The following NOX3 variants were observed in gnomAD, a reference collection of about 807,000 sequenced individuals.
The protein encoded by NOX3 is NADPH oxidase 3, also known as NADPH oxidase catalytic subunit-like 3.
In NOX3, 74 loss-of-function variants were observed where a neutral mutation model predicts 76.7. That is an observed-to-expected ratio of 0.96 (90% CI 0.80 to 1.17). The LOEUF is 1.17. Ranked by LOEUF, NOX3 falls within the 50% of genes most tolerant of loss-of-function variation. The probability of loss-of-function intolerance (pLI) is 0.00; values close to 1 mark genes in which losing one functional copy is unlikely to be tolerated. For missense variants in NOX3, 695 were observed against 703.3 expected (o/e 0.99, Z 0.13); for synonymous variants, 263 against 261.1 (o/e 1.01, Z -0.07).
rs139588688 is a variant in NOX3 at position 155,424,334 on chromosome 6, C to T, written c.1146-1478G>A. On this transcript the variant is annotated intron_variant, in intron 9 of 13. Coordinates refer to ENST00000159060, the MANE Select transcript of NOX3 (RefSeq NM_015718.3). ...TGCTCACTGCTGTAATCCCAGCACT[C>T]CCTGACATGAAGTTGTTCAATAACA... Among the ~76,000 whole-genome samples, 369 of 152,224 alleles carry T rather than the reference C, an allele frequency of 2.4e-3. 2 individuals carry two copies. Among genetic ancestry groups the T allele is most frequent in the Middle Eastern group, 0.014 (4 of 294 alleles).
chr6:155,407,751 C>T (rs930533094), intron 11 of NOX3, among the ~76,000 whole-genome samples: 12 of 152,098 alleles, frequency 7.9e-5, no homozygotes, highest in East Asian at 5.8e-4. Context: ...TGGGTTTAAA[C>T]GGTGTGATGT....
rs542927874 is a variant in NOX3, at chr6:155,411,461, G to A, written c.1309-101C>T. On this transcript the variant is annotated intron_variant, in intron 10 of 13. Coordinates refer to ENST00000159060, the MANE Select transcript of NOX3 (RefSeq NM_015718.3). Reference sequence around the variant, plus strand: ...CATTAAATTATTTGAGCCCAAATGGGCACTTCTGCAAAATAACATGCTTTT... The same window carrying A: ...CATTAAATTATTTGAGCCCAAATGGACACTTCTGCAAAATAACATGCTTTT... The A allele has an allele frequency of 1.1e-5, 12 of 1,086,096 alleles. No homozygotes were observed. The South Asian group carries it at 2.3e-4, about 21-fold the overall frequency. 67.3% of individuals were successfully genotyped at this position (1,086,096 alleles called of 1,614,324 possible).
chr6:155,410,288 A>G (rs1435945134), intron 11 of NOX3, among the ~76,000 whole-genome samples: 16 of 141,162 alleles, frequency 1.1e-4, no homozygotes. Context: ...GTGATGTTCT[A>G]TAAGGCCAGT....
rs760166154 is a variant in NOX3 at position 155,411,262 on chromosome 6, A to G, written c.1407T>C (p.Thr469=). ...GAAATATATGATAACTCAGAAAGTGAGTTTTCCCCTGCTCACTCATCCGTG... is the reference window on the plus strand; with the variant it reads ...GAAATATATGATAACTCAGAAAGTGGGTTTTCCCCTGCTCACTCATCCGTG... ...LETRMSEQGK[T]HFLSYHIFLT... Residue 469 remains threonine, a synonymous_variant, in exon 11 of 14, where the codon ACT becomes ACC. Transcript: ENST00000159060. 6.8e-6 allele frequency: 11 copies of G among 1,613,948 alleles called. No individual in the cohort carries two copies. Among genetic ancestry groups the G allele is most frequent in the Non-Finnish European group, 9.3e-6 (11 of 1,179,976 alleles).
At chr6:155,442,014 C>A (rs1450719450) in intron 5 of NOX3, among the ~76,000 whole-genome samples, 2 of 152,168 alleles carry the variant, frequency 1.3e-5, no homozygotes, top group Non-Finnish European at 2.9e-5. Context: ...CCTGTAATCC[C>A]AGCACTTTGG....
At chr6:155,422,980 T>C in intron 9 of NOX3, 124 bp from the exon 10 acceptor site, 1 of 871,734 alleles carries the variant, frequency 1.1e-6, no homozygotes. Flanking sequence ...GTTGACTCTG[T>C]GCCTGAAAAT....
At chr6:155,424,461 A>G (rs1411640313) in intron 9 of NOX3, among the ~76,000 whole-genome samples, 2 of 152,266 alleles carry the variant, frequency 1.3e-5, no homozygotes, top group East Asian at 3.8e-4. Flanking sequence ...ACATATGAAC[A>G]AAGATATGCT....
At chr6:155,434,339 A>G (rs1043348408) in intron 7 of NOX3, among the ~76,000 whole-genome samples, 8 of 152,226 alleles carry the variant, frequency 5.3e-5, no homozygotes, top group Non-Finnish European at 1.0e-4. Flanking sequence ...TCTCCGGCCT[A>G]GGACGACCAG....
At chr6:155,411,433 C>A (rs1776550561) in intron 10 of NOX3, 73 bp from the exon 11 acceptor site, 10 of 1,416,122 alleles carry the variant, frequency 7.1e-6, no homozygotes, top group Non-Finnish European at 9.4e-6. Context: ...ACTACTTTAT[C>A]TCCATTAAAT....
At chr6:155,410,237 A>G (rs1393789960) in intron 11 of NOX3, among the ~76,000 whole-genome samples, 2 of 152,202 alleles carry the variant, frequency 1.3e-5, no homozygotes, top group Non-Finnish European at 2.9e-5. Flanking sequence ...CTGAATTTCT[A>G]GCAGAGTCTT....
intron 12 of NOX3, among the ~76,000 whole-genome samples, chr6:155,398,090 A>G (rs989256022): frequency 6.6e-6 from 1 of 152,158 alleles, no homozygotes; most frequent in Non-Finnish European, 1.5e-5. Flanking sequence ...TCTTGTCTTG[A>G]ATATTACTAT....
intron 10 of NOX3, among the ~76,000 whole-genome samples, chr6:155,416,168 C>T (rs1257424793): frequency 1.3e-5 from 2 of 152,214 alleles, no homozygotes; most frequent in African/African-American, 4.8e-5. Flanking sequence ...GCTTGCAGTG[C>T]CACCTGCCTC....
In NOX3 at chr6:155,411,293, A is replaced by G; in HGVS notation, c.1376T>C (p.Leu459Pro). 2.5e-6 allele frequency: 4 copies of G among 1,614,044 alleles called. No homozygotes were observed. The South Asian group carries it at 4.4e-5, about 18-fold the overall frequency. Residue 459 changes from leucine (L) to proline (P), a missense_variant, in exon 11 of 14, where the codon CTG (leucine) becomes CCG (proline). Leu to Pro is a moderately conservative substitution (Grantham distance 98). Coordinates refer to ENST00000159060, the MANE Select transcript of NOX3 (RefSeq NM_015718.3). Reference protein sequence around the residue: ...FEWFADLLLSLETRMSEQGKT... With the variant: ...FEWFADLLLSPETRMSEQGKT... Reference sequence around the variant, plus strand: ...CCCCTGCTCACTCATCCGTGTTTCCAGGGAGAGTAAGAGATCAGCAAACCA... The same window carrying G: ...CCCCTGCTCACTCATCCGTGTTTCCGGGGAGAGTAAGAGATCAGCAAACCA...
Position 155,415,063 on chromosome 6 carries a change from G to A in NOX3, c.1309-3703C>T, listed in dbSNP as rs1200616198. ...CATCATTCCCAAGCGCTAATGATCA[G>A]CCCAAACTCAGCCATGTCCATTTGC... On this transcript the variant is annotated intron_variant, in intron 10 of 13. Transcript: ENST00000159060. Among the ~76,000 whole-genome samples, 25 of 152,264 alleles carry A rather than the reference G, an allele frequency of 1.6e-4. 1 individual carries two copies. Among genetic ancestry groups the A allele is most frequent in the Non-Finnish European group, 1.5e-5 (1 of 68,010 alleles).
At chr6:155,420,125 A>G (rs1360008951) in intron 10 of NOX3, among the ~76,000 whole-genome samples, 2 of 152,178 alleles carry the variant, frequency 1.3e-5, no homozygotes, top group Non-Finnish European at 2.9e-5. Flanking sequence ...TTAATACAGG[A>G]AAGATATGTG....
At chr6:155,446,433 A>G (rs893457994) in intron 4 of NOX3, among the ~76,000 whole-genome samples, 8 of 152,194 alleles carry the variant, frequency 5.3e-5, no homozygotes, top group Admixed American at 1.3e-4. Context: ...TATACAACAG[A>G]CACTGTTGTA....
rs751108752 is a variant in NOX3, at chr6:155,395,458, T to A, written c.*144A>T. On this transcript the variant is annotated 3_prime_UTR_variant, in exon 14 of 14. Transcript: ENST00000159060. ...TATAAGCTAAGGAAGTATGGTATAGTGTACTGTTCACAATAGTTAATTATT... is the reference window on the plus strand; with the variant it reads ...TATAAGCTAAGGAAGTATGGTATAGAGTACTGTTCACAATAGTTAATTATT... 1 of 152,208 alleles carries A rather than the reference T, an allele frequency of 6.6e-6. No homozygotes were observed. Among genetic ancestry groups the A allele is most frequent in the Non-Finnish European group, 1.5e-5 (1 of 68,016 alleles). The allele number at this position is 152,208 out of a possible 1,614,324, so 9.4% of individuals were successfully genotyped here. A position where few individuals can be genotyped will look rare whatever the true frequency, so the allele number is the denominator to read the frequency against.
At chr6:155,413,638 C>T (rs568594899) in intron 10 of NOX3, among the ~76,000 whole-genome samples, 1 of 152,200 alleles carries the variant, frequency 6.6e-6, no homozygotes, top group South Asian at 2.1e-4. Flanking sequence ...TCTTTGAAAA[C>T]CTTAGCTTTC....
intron 12 of NOX3, among the ~76,000 whole-genome samples, chr6:155,402,940 G>A (rs1331808439): frequency 1.3e-5 from 2 of 152,166 alleles, no homozygotes; most frequent in Admixed American, 1.3e-4. Flanking sequence ...CTAACGACAG[G>A]ACAGAACCGT....
Sources: gnomAD v4.1 joint callset for allele counts (sites outside exome capture counted in the v4.1 genomes callset) on GRCh38, gnomAD v4.1.1 for gene constraint, MANE v1.5 for transcripts, NCBI Gene and HGNC (gene_info 2026-07-23, HGNC 2026-07-21) for gene names.